TRHDE: variants seen among roughly 807,000 people sequenced by gnomAD.
TRHDE encodes the protein thyrotropin releasing hormone degrading enzyme, also known as thyrotropin-releasing hormone-degrading ectoenzyme.
In TRHDE, 72 loss-of-function variants were observed where a neutral mutation model predicts 125.7. That is an observed-to-expected ratio of 0.57 (90% CI 0.47 to 0.70). The LOEUF (loss-of-function observed/expected upper bound fraction) is 0.70. Ranked by LOEUF, TRHDE falls within the 30% of genes least tolerant of loss-of-function variation. The probability of loss-of-function intolerance (pLI) is 0.00; values close to 1 mark genes in which losing one functional copy is unlikely to be tolerated. For missense variants in TRHDE, 1,110 were observed against 1,327.1 expected (o/e 0.84, Z 2.54); for synonymous variants, 509 against 509.1 (o/e 1.00, Z 0.00).
chr12:72,511,762 C>A (rs1017201717), intron 6 of TRHDE, among the ~76,000 whole-genome samples: 10 of 152,096 alleles, frequency 6.6e-5, no homozygotes, highest in Admixed American at 5.2e-4. Context: ...CCTGTGCGAA[C>A]CTTAACACTT....
intron 3 of TRHDE, among the ~76,000 whole-genome samples, chr12:72,390,646 T>C (rs1174997379): frequency 6.6e-6 from 1 of 152,206 alleles, no homozygotes; most frequent in Non-Finnish European, 1.5e-5. Context: ...CCCAGTGTTA[T>C]TGTAACAGTG....
At position 72,581,219 on chromosome 12, in the gene TRHDE, T is replaced by C. The variant is rs185882410; in HGVS notation, c.2321+5677T>C. On this transcript the variant is annotated intron_variant, in intron 12 of 18. Transcript: ENST00000261180. ...TTAATTGTTGAAATTATTTATCAGTTATTATATGATAGAAACTAAATATTT... is the reference window on the plus strand; with the variant it reads ...TTAATTGTTGAAATTATTTATCAGTCATTATATGATAGAAACTAAATATTT... 2.9e-3 allele frequency among the ~76,000 whole-genome samples: 440 copies of C among 152,356 alleles called. 2 individuals carry two copies. Among genetic ancestry groups the C allele is most frequent in the African/African-American group, 0.01 (425 of 41,582 alleles).
At chr12:72,652,044 G>T (rs1874527841) in intron 15 of TRHDE, among the ~76,000 whole-genome samples, 1 of 151,908 alleles carries the variant, frequency 6.6e-6, no homozygotes, top group Admixed American at 6.6e-5. Context: ...TCATGGGTTT[G>T]TGAAGCCTTT....
At chr12:72,230,113 C>T (rs1460727993) in intron 2 of TRHDE, among the ~76,000 whole-genome samples, 3 of 151,990 alleles carry the variant, frequency 2.0e-5, no homozygotes, top group African/African-American at 7.2e-5. Context: ...AACTGTTGTG[C>T]CCATGAGAAC....
rs1474779860 is a variant in TRHDE at position 72,517,856 on chromosome 12, A to G, written c.1722+18221A>G. ...TCTGGTATGTTGTGTCTTTGTTCTC[A>G]TTGGTTTCAAAGAACATCTTTATTT... On this transcript the variant is annotated intron_variant, in intron 6 of 18. Coordinates refer to ENST00000261180, the MANE Select transcript of TRHDE (RefSeq NM_013381.3). Among the ~76,000 whole-genome samples the G allele has an allele frequency of 2.6e-3, 396 of 150,732 alleles. 1 individual carries two copies. The highest frequency in any genetic ancestry group is 8.7e-3 in the African/African-American group (357 of 41,150).
chr12:72,301,210 A>G (rs1868257088), intron 2 of TRHDE, among the ~76,000 whole-genome samples: 1 of 152,140 alleles, frequency 6.6e-6, no homozygotes, highest in South Asian at 2.1e-4. Flanking sequence ...ATCTTCACAC[A>G]TGCCTAGAAT....
intron 3 of TRHDE, among the ~76,000 whole-genome samples, chr12:72,412,717 C>T (rs141971108): frequency 7.2e-5 from 11 of 152,138 alleles, no homozygotes; most frequent in African/African-American, 1.9e-4. Context: ...AAGCCAGGAA[C>T]ATGAATGAGC....
intron 4 of TRHDE, among the ~76,000 whole-genome samples, chr12:72,472,501 C>T (rs1406900063): frequency 1.3e-5 from 2 of 152,028 alleles, no homozygotes; most frequent in African/African-American, 2.4e-5. Context: ...ACCTCAAAAA[C>T]CCTTAGTTTT....
At chr12:72,652,635 T>C (rs1874551506) in intron 16 of TRHDE, 146 bp downstream of exon 16, 1 of 469,156 alleles carries the variant, frequency 2.1e-6, no homozygotes, top group Non-Finnish European at 3.6e-6. Flanking sequence ...GCCATGTTAA[T>C]GACTAAAGCT....
chr12:72,205,424 A>C (rs1417286359), intron 2 of TRHDE, among the ~76,000 whole-genome samples: 6 of 151,668 alleles, frequency 4.0e-5, no homozygotes, highest in Non-Finnish European at 7.4e-5. Flanking sequence ...TAATATTGTT[A>C]ACTATATGTA....
rs3081972 is a variant in TRHDE, at chr12:72,525,601, T to TTGTGTGTGTGTG, written c.1723-16667_1723-16656dup. Among the ~76,000 whole-genome samples, 490 of 127,630 alleles carry TTGTGTGTGTGTG rather than the reference T, an allele frequency of 3.8e-3. 2 individuals carry two copies. The highest frequency in any genetic ancestry group is 0.014 in the African/African-American group (442 of 30,898). 83.7% of individuals were successfully genotyped at this position (127,630 alleles called of 152,430 possible). ...AGACTTCTCATGTTTTGTGTGTGGT[T>TTGTGTGTGTGTG]TGTGTGTGTGTGTGTGTGTGTGTGT... On this transcript the variant is annotated intron_variant, in intron 6 of 18. Coordinates refer to ENST00000261180, the MANE Select transcript of TRHDE (RefSeq NM_013381.3).
intron 12 of TRHDE, among the ~76,000 whole-genome samples, chr12:72,580,075 TA>T (rs747980920): frequency 6.6e-6 from 1 of 152,184 alleles, no homozygotes; most frequent in Non-Finnish European, 1.5e-5. Context: ...CAAACTCTAC[TA>T]AAAAATCACA....
intron 6 of TRHDE, among the ~76,000 whole-genome samples, chr12:72,510,760 A>G (rs1878550137): frequency 6.6e-6 from 1 of 152,222 alleles, no homozygotes; most frequent in African/African-American, 2.4e-5. Flanking sequence ...TGATCATCTC[A>G]TAAGGAAAAT....
At chr12:72,313,177 A>G (rs1277653464) in intron 2 of TRHDE, among the ~76,000 whole-genome samples, 1 of 152,146 alleles carries the variant, frequency 6.6e-6, no homozygotes, top group African/African-American at 2.4e-5. Flanking sequence ...TCCTAAAACT[A>G]AAATATTTGG....
chr12:72,294,388 G>T lies in TRHDE; in HGVS notation c.1188+7434G>T, dbSNP rs530173104. On this transcript the variant is annotated intron_variant, in intron 2 of 18. Coordinates refer to ENST00000261180, the MANE Select transcript of TRHDE (RefSeq NM_013381.3). ...TGTGTGTGGTGGGGGGCGGTGGGGCGGACAGCTCCTTTCCACAGCCAGGGT... is the reference window on the plus strand; with the variant it reads ...TGTGTGTGGTGGGGGGCGGTGGGGCTGACAGCTCCTTTCCACAGCCAGGGT... Among the ~76,000 whole-genome samples the T allele has an allele frequency of 3.9e-5, 6 of 152,122 alleles. No individual in the cohort carries two copies. In the South Asian group the frequency reaches 1.2e-3, roughly 32 times the overall value.
chr12:72,455,603 G>T (rs1479595147), intron 3 of TRHDE, among the ~76,000 whole-genome samples: 1 of 152,044 alleles, frequency 6.6e-6, no homozygotes, highest in Non-Finnish European at 1.5e-5. Flanking sequence ...GTTGGGGATG[G>T]AAATTACATT....
At chr12:72,194,906 G>A (rs1380948658) in intron 2 of TRHDE, among the ~76,000 whole-genome samples, 1 of 152,024 alleles carries the variant, frequency 6.6e-6, no homozygotes. Context: ...ATTACTAGGT[G>A]TATTAAACTG....
At chr12:72,127,300 T>C (rs1875736083) in intron 2 of TRHDE, among the ~76,000 whole-genome samples, 2 of 152,184 alleles carry the variant, frequency 1.3e-5, no homozygotes, top group South Asian at 4.1e-4. Flanking sequence ...TCAAATAACT[T>C]AGAACAACCA....
chr12:72,149,025 G>A (rs1876292942), intron 2 of TRHDE, among the ~76,000 whole-genome samples: 1 of 151,936 alleles, frequency 6.6e-6, no homozygotes, highest in South Asian at 2.1e-4. Flanking sequence ...TGATTACATG[G>A]TTCATTGAAT....
Sources: gnomAD v4.1 joint callset for allele counts (sites outside exome capture counted in the v4.1 genomes callset) on GRCh38, gnomAD v4.1.1 for gene constraint, MANE v1.5 for transcripts, NCBI Gene and HGNC (gene_info 2026-07-23, HGNC 2026-07-21) for gene names.